The following C19orf44 variants were observed in gnomAD, a reference collection of about 807,000 sequenced individuals.
C19orf44 encodes uncharacterized protein C19orf44.
A neutral mutation model predicts 50.7 loss-of-function variants in C19orf44; 43 were observed. That is an observed-to-expected ratio of 0.85 (90% CI 0.66 to 1.09). C19orf44 has a LOEUF of 1.09. Ranked by LOEUF, C19orf44 falls within the 50% of genes least tolerant of loss-of-function variation. The pLI, the probability that C19orf44 is intolerant of heterozygous loss-of-function variation, is 0.00. For missense variants in C19orf44, 722 were observed against 836.2 expected (o/e 0.86, Z 1.68); for synonymous variants, 298 against 334.7 (o/e 0.89, Z 1.20).
Position 16,520,075 on chromosome 19 carries a change from A to G in C19orf44, c.*41-19A>G. On this transcript the variant is annotated intron_variant, in intron 8 of 8. Coordinates refer to ENST00000221671, the MANE Select transcript of C19orf44 (RefSeq NM_032207.4). The surrounding 1 kb of genome is among the most constrained non-coding windows in gnomAD (Gnocchi z 4.0). ...CTCCTAACACAGTCTCCTAACCACC[A>G]ATGTTTCCACATTCACAGCAAAGCA... The G allele has an allele frequency of 2.7e-6, 4 of 1,474,964 alleles. No individual in the cohort carries two copies. The highest frequency in any genetic ancestry group is 3.8e-6 in the Non-Finnish European group (4 of 1,063,648). 91.4% of individuals were successfully genotyped at this position (1,474,964 alleles called of 1,614,324 possible). A position where few individuals can be genotyped will look rare whatever the true frequency, so the allele number is the denominator to read the frequency against.
At chr19:16,507,247 A>AG (rs1342262060) in intron 4 of C19orf44, among the ~76,000 whole-genome samples, 1 of 152,138 alleles carries the variant, frequency 6.6e-6, no homozygotes, top group Non-Finnish European at 1.5e-5. Flanking sequence ...AGGTGCTAAC[A>AG]GGATGAAGCT....
At chr19:16,514,049 G>A (rs2093464862) in intron 6 of C19orf44, among the ~76,000 whole-genome samples, 2 of 151,542 alleles carry the variant, frequency 1.3e-5, no homozygotes, top group South Asian at 4.2e-4. Context: ...GTGCAGTGGT[G>A]TGATCTTGGC....
chr19:16,509,715 T>C lies in C19orf44; in HGVS notation c.1366T>C (p.Ser456Pro), dbSNP rs1352771584. 22 of 1,614,220 alleles carry C rather than the reference T, an allele frequency of 1.4e-5. No homozygotes were observed. The highest frequency in any genetic ancestry group is 2.7e-5 in the African/African-American group (2 of 75,066). ...QDSTSSMQPP[S>P]EAPMVNTVSS... ...CAGCACTTCCAGCATGCAGCCACCA[T>C]CTGAAGCCCCCATGGTGAACACAGT... The change falls in exon 5 of 9, where the codon TCT (serine) becomes CCT (proline). Residue 456 changes from serine (S) to proline (P), a missense_variant. Ser to Pro is a moderately conservative substitution (Grantham distance 74, BLOSUM62 -1). Coordinates refer to ENST00000221671, the MANE Select transcript of C19orf44 (RefSeq NM_032207.4).
chr19:16,500,385 C>G (rs1401886678), intron 1 of C19orf44, among the ~76,000 whole-genome samples: 1 of 149,028 alleles, frequency 6.7e-6, no homozygotes, highest in Non-Finnish European at 1.5e-5. Flanking sequence ...CAGGGTTTCA[C>G]TCTGTAGCCC....
chr19:16,518,980 C>G (rs929559744), intron 8 of C19orf44: 4 of 641,736 alleles, frequency 6.2e-6, no homozygotes, highest in Non-Finnish European at 7.9e-6. Flanking sequence ...GTGCCCTCCA[C>G]GCCATGGAGC....
chr19:16,518,974 C>T (rs1471452586), intron 8 of C19orf44: 1 of 623,304 alleles, frequency 1.6e-6, no homozygotes, highest in African/African-American at 1.9e-5. Flanking sequence ...GCACCCGTGC[C>T]CTCCACGCCA....
At position 16,497,139 on chromosome 19, in the gene C19orf44, G is replaced by T. The variant is rs572063301; in HGVS notation, c.-2+674G>T. On this transcript the variant is annotated intron_variant, in intron 1 of 8. Coordinates refer to ENST00000221671, the MANE Select transcript of C19orf44 (RefSeq NM_032207.4). ...TTTTTTGTATTTTTAGTAGAGATGG[G>T]GTTTCACCATGTTTGCCACGCTGGT... 9.2e-5 allele frequency among the ~76,000 whole-genome samples: 14 copies of T among 152,010 alleles called. No individual in the cohort carries two copies. In the East Asian group the frequency reaches 2.7e-3, roughly 29 times the overall value.
intron 6 of C19orf44, 37 bp from the exon 7 acceptor site, chr19:16,514,460 C>A: frequency 6.5e-7 from 1 of 1,545,810 alleles, no homozygotes; most frequent in Non-Finnish European, 8.8e-7. Flanking sequence ...TTTGTGGGGC[C>A]CCAGCGAAGC....
chr19:16,501,213 G>A lies in C19orf44; in HGVS notation c.421G>A (p.Glu141Lys), dbSNP rs750835848. The change falls in exon 2 of 9, where the codon GAA becomes AAA. Residue 141 changes from glutamate (E) to lysine (K), a missense_variant. By Grantham distance (56) the Glu-to-Lys change is moderately conservative. Coordinates refer to ENST00000221671, the MANE Select transcript of C19orf44 (RefSeq NM_032207.4). Reference sequence around the variant, plus strand: ...CAGAATCCTCTCTGGGGGTGCACTCGAACTCGCGTCCCAGAACACAGACAA... The same window carrying A: ...CAGAATCCTCTCTGGGGGTGCACTCAAACTCGCGTCCCAGAACACAGACAA... Reference protein sequence around the residue: ...ADRILSGGALELASQNTDKTS... With the variant: ...ADRILSGGALKLASQNTDKTS... The A allele has an allele frequency of 1.2e-5, 20 of 1,613,946 alleles. 1 individual carries two copies. Among genetic ancestry groups the A allele is most frequent in the South Asian group, 8.8e-5 (8 of 91,090 alleles).
At chr19:16,510,562 G>A (rs561171612) in intron 5 of C19orf44, among the ~76,000 whole-genome samples, 3 of 152,174 alleles carry the variant, frequency 2.0e-5, no homozygotes, top group African/African-American at 7.2e-5. Context: ...GATTCACGGG[G>A]GGACTCCAGC....
intron 7 of C19orf44, among the ~76,000 whole-genome samples, chr19:16,516,955 C>T (rs116930476): frequency 6.6e-6 from 1 of 152,326 alleles, no homozygotes; most frequent in East Asian, 1.9e-4. Flanking sequence ...CTGCTTGCTC[C>T]AGGCGCTTCT....
At chr19:16,514,928 T>TA (rs2093467683) in intron 7 of C19orf44, among the ~76,000 whole-genome samples, 1 of 152,234 alleles carries the variant, frequency 6.6e-6, no homozygotes, top group South Asian at 2.1e-4. Flanking sequence ...TAAAGGGACC[T>TA]ACTGTTCGTG....
At chr19:16,509,141 T>G (rs2093448953) in intron 4 of C19orf44, among the ~76,000 whole-genome samples, 2 of 151,662 alleles carry the variant, frequency 1.3e-5, no homozygotes, top group Admixed American at 1.3e-4. Context: ...AATTTTTTTT[T>G]TCTTATAGAG....
rs2093465676 is a variant in C19orf44 at position 16,514,358 on chromosome 19, TG to T, written c.1736-136del. 9.2e-6 allele frequency: 8 copies of T among 872,632 alleles called. No homozygotes were observed. In the South Asian group the frequency reaches 1.1e-4, roughly 12 times the overall value. 54.1% of individuals were successfully genotyped at this position (872,632 alleles called of 1,614,324 possible). A position where few individuals can be genotyped will look rare whatever the true frequency, so the allele number is the denominator to read the frequency against. On this transcript the variant is annotated intron_variant, in intron 6 of 8. Transcript: ENST00000221671. ...GTGATGGCACCGCTGTACTCCAGCC[TG>T]GGTGGCAGAGCGAGACCCTGTCTCC...
In C19orf44 at chr19:16,514,681, T is replaced by C; in HGVS notation, c.1902+18T>C. The stretch of plus-strand genomic sequence containing the variant: ...CCAAAGAGGTGAGCGCAGCTCCCCA[T>C]GGGCAGGGGCAGGGCAGTAGGGGAG... On this transcript the variant is annotated intron_variant, in intron 7 of 8. Transcript: ENST00000221671. 5 of 1,548,338 alleles carry C rather than the reference T, an allele frequency of 3.2e-6. No homozygotes were observed. Among genetic ancestry groups the C allele is most frequent in the Non-Finnish European group, 4.4e-6 (5 of 1,145,652 alleles).
intron 6 of C19orf44, among the ~76,000 whole-genome samples, chr19:16,514,056 T>C (rs988105355): frequency 6.6e-6 from 1 of 151,718 alleles, no homozygotes; most frequent in Non-Finnish European, 1.5e-5. Flanking sequence ...GGTGTGATCT[T>C]GGCTCACTGC....
chr19:16,518,818 A>G (rs1416858650), intron 8 of C19orf44: 5 of 290,858 alleles, frequency 1.7e-5, no homozygotes, highest in East Asian at 1.1e-4. Flanking sequence ...GGAGGCTTCA[A>G]TCTGACTTAG....
chr19:16,519,582 G>T lies in C19orf44; in HGVS notation c.*41-512G>T. The T allele has an allele frequency of 6.4e-7, 1 of 1,556,042 alleles. No individual in the cohort carries two copies. Among genetic ancestry groups the T allele is most frequent in the Non-Finnish European group, 8.9e-7 (1 of 1,127,480 alleles). Reference sequence around the variant, plus strand: ...GGTGACTCCCGGGCCCAGCACGCGTGAGGACCCATCCCGCGCCCTCCCCAT... The same window carrying T: ...GGTGACTCCCGGGCCCAGCACGCGTTAGGACCCATCCCGCGCCCTCCCCAT... On this transcript the variant is annotated intron_variant, in intron 8 of 8. Transcript: ENST00000221671. The surrounding 1 kb of genome is among the most constrained non-coding windows in gnomAD (Gnocchi z 6.0).
At chr19:16,505,254 C>T (rs1488274574) in intron 3 of C19orf44, among the ~76,000 whole-genome samples, 1 of 148,848 alleles carries the variant, frequency 6.7e-6, no homozygotes, top group Admixed American at 6.8e-5. Flanking sequence ...GCCCTTGTTG[C>T]CCAGGCTGGA....
Sources: allele counts gnomAD v4.1 joint callset (sites outside exome capture counted in the v4.1 genomes callset), GRCh38; gene constraint gnomAD v4.1.1; non-coding constraint Gnocchi (gnomAD v3.1); transcripts MANE v1.5; gene names NCBI Gene and HGNC (gene_info 2026-07-23, HGNC 2026-07-21).